FAM13A: variants seen among roughly 807,000 people sequenced by gnomAD.
FAM13A encodes the protein protein FAM13A.
In FAM13A, 76 loss-of-function variants were observed where a neutral mutation model predicts 129.6. The observed-to-expected ratio is 0.59, with a 90% CI of 0.49 to 0.71. The LOEUF (loss-of-function observed/expected upper bound fraction) is 0.71, where lower values mean the gene tolerates loss of function less well. Among genes scored for constraint, FAM13A ranks in the 30% least tolerant of loss-of-function variants. FAM13A has a pLI of 0.00. For missense variants in FAM13A, 1,108 were observed against 1,249.3 expected (o/e 0.89, Z 1.70); for synonymous variants, 443 against 449.9 (o/e 0.98, Z 0.20).
At chr4:88,945,652 G>T (rs562813563) in intron 4 of FAM13A, among the ~76,000 whole-genome samples, 3 of 151,388 alleles carry the variant, frequency 2.0e-5, no homozygotes, top group South Asian at 2.1e-4. Context: ...TCCCTAATGC[G>T]ACTGTTTGTT....
chr4:88,914,428 C>T (rs1043678198), intron 5 of FAM13A, among the ~76,000 whole-genome samples: 1 of 152,200 alleles, frequency 6.6e-6, no homozygotes, highest in Admixed American at 6.5e-5. Context: ...CCCCTCTCCT[C>T]GTTATGCCCC....
chr4:88,737,451 G>A (rs1179540386), intron 21 of FAM13A, 21 bp downstream of exon 21: 22 of 1,606,412 alleles, frequency 1.4e-5, no homozygotes, highest in Non-Finnish European at 1.9e-5. Flanking sequence ...TTAGCAATGG[G>A]TTAGCAGCTG....
At chr4:88,973,694 C>T (rs1341637548) in intron 4 of FAM13A, among the ~76,000 whole-genome samples, 1 of 151,860 alleles carries the variant, frequency 6.6e-6, no homozygotes, top group African/African-American at 2.4e-5. Flanking sequence ...TTTTAGTCTG[C>T]TTTGTGATTT....
chr4:88,875,345 T>C (rs1372444594), intron 6 of FAM13A, among the ~76,000 whole-genome samples: 3 of 152,078 alleles, frequency 2.0e-5, no homozygotes, highest in Non-Finnish European at 2.9e-5. Flanking sequence ...ATCATCAGAG[T>C]GAACAGGCAA....
chr4:88,840,714 T>G (rs1252498763), intron 7 of FAM13A, among the ~76,000 whole-genome samples: 1 of 151,984 alleles, frequency 6.6e-6, no homozygotes, highest in Non-Finnish European at 1.5e-5. Flanking sequence ...ACCTCTGGAC[T>G]GTGCTATTAT....
chr4:88,820,716 T>C (rs1233930069), intron 7 of FAM13A, among the ~76,000 whole-genome samples: 3 of 152,198 alleles, frequency 2.0e-5, no homozygotes, highest in Non-Finnish European at 4.4e-5. Flanking sequence ...CTTGTTAAAA[T>C]GCAGATGCTC....
chr4:89,032,229 A>G (rs991319952), intron 1 of FAM13A, among the ~76,000 whole-genome samples: 3 of 151,574 alleles, frequency 2.0e-5, no homozygotes, highest in African/African-American at 7.3e-5. Flanking sequence ...TGGGCAACAG[A>G]GCGAGACTCC....
chr4:88,750,927 TTAG>T (rs1742461783), intron 14 of FAM13A, among the ~76,000 whole-genome samples: 1 of 152,196 alleles, frequency 6.6e-6, no homozygotes, highest in Non-Finnish European at 1.5e-5. Context: ...GCCCAGTCAA[TTAG>T]TGATAAAAAC....
intron 7 of FAM13A, among the ~76,000 whole-genome samples, chr4:88,828,834 G>T (rs1733444900): frequency 6.6e-6 from 1 of 152,130 alleles, no homozygotes; most frequent in Non-Finnish European, 1.5e-5. Context: ...AAACTACCTG[G>T]GTTATATATT....
intron 6 of FAM13A, among the ~76,000 whole-genome samples, chr4:88,898,140 A>G (rs1166343400): frequency 6.6e-6 from 1 of 152,174 alleles, no homozygotes; most frequent in Admixed American, 6.5e-5. Context: ...TCACTTCAAA[A>G]CATTTTTATG....
Position 88,787,973 on chromosome 4 carries a change from C to A in FAM13A, c.1092-41G>T, listed in dbSNP as rs758293883. Reference sequence around the variant, plus strand: ...GCAGAGTCATTCAAGCAGTCAAGTTCATCAGTGATCACCTTAAAAAATCTG... The same window carrying A: ...GCAGAGTCATTCAAGCAGTCAAGTTAATCAGTGATCACCTTAAAAAATCTG... On this transcript the variant is annotated intron_variant, in intron 9 of 23. Transcript: ENST00000264344. 8 of 1,530,216 alleles carry A rather than the reference C, an allele frequency of 5.2e-6. No homozygotes were observed. In the East Asian group the frequency reaches 1.1e-4, roughly 22 times the overall value. 94.8% of individuals were successfully genotyped at this position (1,530,216 alleles called of 1,614,324 possible).
chr4:88,769,677 C>T (rs765716999), intron 11 of FAM13A, among the ~76,000 whole-genome samples: 39 of 151,780 alleles, frequency 2.6e-4, no homozygotes, highest in Non-Finnish European at 5.3e-4. Flanking sequence ...ACTAAAAATA[C>T]AAAAATTAGC....
intron 8 of FAM13A, among the ~76,000 whole-genome samples, chr4:88,797,648 A>T (rs1726491947): frequency 1.3e-5 from 2 of 152,054 alleles, no homozygotes; most frequent in Non-Finnish European, 1.5e-5. Flanking sequence ...TATTTGACTG[A>T]TTTTTAATCA....
At chr4:88,836,943 G>T (rs982185717) in intron 7 of FAM13A, among the ~76,000 whole-genome samples, 6 of 150,152 alleles carry the variant, frequency 4.0e-5, no homozygotes, top group African/African-American at 1.5e-4. Context: ...CTTGGCGACA[G>T]AGTGAAACTC....
chr4:88,807,006 C>G (rs1471747685), intron 7 of FAM13A, among the ~76,000 whole-genome samples: 1 of 152,120 alleles, frequency 6.6e-6, no homozygotes, highest in African/African-American at 2.4e-5. Flanking sequence ...AAACCTGCCA[C>G]TAAAAACCTA....
intron 1 of FAM13A, among the ~76,000 whole-genome samples, chr4:89,033,312 G>A (rs1314881704): frequency 6.6e-6 from 1 of 152,074 alleles, no homozygotes; most frequent in Non-Finnish European, 1.5e-5. Context: ...TACTTCAAAC[G>A]GCTTCACTCA....
intron 6 of FAM13A, among the ~76,000 whole-genome samples, chr4:88,886,694 G>T (rs902273844): frequency 2.0e-5 from 3 of 152,016 alleles, no homozygotes; most frequent in African/African-American, 7.2e-5. Context: ...ATCACTTGAG[G>T]TCAAGAGTTT....
intron 5 of FAM13A, among the ~76,000 whole-genome samples, chr4:88,920,339 C>G (rs891702148): frequency 6.6e-6 from 1 of 152,128 alleles, no homozygotes; most frequent in African/African-American, 2.4e-5. Context: ...GCCGGGTACT[C>G]CTCTGAGACA....
At chr4:88,811,509 T>G (rs1729662531) in intron 7 of FAM13A, among the ~76,000 whole-genome samples, 1 of 150,614 alleles carries the variant, frequency 6.6e-6, no homozygotes, top group East Asian at 2.0e-4. Context: ...CAGCTCTGAA[T>G]GCCCTTCTGA....
Sources: allele counts gnomAD v4.1 joint callset (sites outside exome capture counted in the v4.1 genomes callset), GRCh38; gene constraint gnomAD v4.1.1; transcripts MANE v1.5; gene names NCBI Gene and HGNC (gene_info 2026-07-23, HGNC 2026-07-21).